TRNT1: variants seen among roughly 807,000 people sequenced by gnomAD.
TRNT1 encodes CCA tRNA nucleotidyltransferase 1, mitochondrial.
TRNT1 carries 44 observed loss-of-function variants against 45.6 expected under a neutral mutation model. That is an observed-to-expected ratio of 0.97 (90% CI 0.76 to 1.24). The LOEUF (loss-of-function observed/expected upper bound fraction) is 1.24. Ranked by LOEUF, TRNT1 falls within the 50% of genes most tolerant of loss-of-function variation. TRNT1 has a pLI of 0.00. For synonymous variants in TRNT1, 201 were observed against 171.4 expected (o/e 1.17, Z -1.35); for missense variants, 633 against 504.4 (o/e 1.25, Z -2.44).
chr3:3,146,445 T>G lies in TRNT1; in HGVS notation c.624T>G (p.Ile208Met), dbSNP rs367981406. Reference sequence around the variant, plus strand: ...TGTCTTGTAGGTTTTATGGGAGAATTGTAGACAAACCTGGTGACCATGATC... The same window carrying G: ...TGTCTTGTAGGTTTTATGGGAGAATGGTAGACAAACCTGGTGACCATGATC... ...ILRYFRFYGR[I>M]VDKPGDHDPE... The change falls in exon 6 of 8, where the codon ATT (isoleucine) becomes ATG (methionine). Residue 208 changes from isoleucine to methionine, a missense_variant. Ile to Met is a conservative substitution (Grantham distance 10, BLOSUM62 1). Coordinates refer to ENST00000251607, the MANE Select transcript of TRNT1 (RefSeq NM_182916.3). 4.3e-6 allele frequency: 7 copies of G among 1,611,190 alleles called. No homozygotes were observed. In the African/African-American group the frequency reaches 9.4e-5, roughly 22 times the overall value.
chr3:3,130,105 CCA>C lies in TRNT1; in HGVS notation c.148+922_148+923del, dbSNP rs1486078252. 7.8e-6 allele frequency: 6 copies of C among 771,746 alleles called. No individual in the cohort carries two copies. In the African/African-American group the frequency reaches 1.0e-4, roughly 13 times the overall value. The allele number at this position is 771,746 out of a possible 1,614,324, so 47.8% of individuals were successfully genotyped here. ...TTGTCTGCTGATGTTGCTAAAGCAGCCACACAGTAGCATTACAAAGCCTGTGG... is the reference window on the plus strand; with the variant it reads ...TTGTCTGCTGATGTTGCTAAAGCAGCCACAGTAGCATTACAAAGCCTGTGG... On this transcript the variant is annotated intron_variant, in intron 2 of 7. Transcript: ENST00000251607.
At chr3:3,150,252 A>ATT (rs1706416505), downstream of TRNT1, 1 of 152,624 alleles carries the variant, frequency 6.6e-6, no homozygotes, top group Non-Finnish European at 1.5e-5. Flanking sequence ...AGGCACATAA[A>ATT]GGAAATGACA....
intron 2 of TRNT1, among the ~76,000 whole-genome samples, chr3:3,135,276 G>A (rs542614778): frequency 3.9e-5 from 6 of 152,158 alleles, no homozygotes; most frequent in Non-Finnish European, 8.8e-5. Context: ...TGTGCAGACA[G>A]CTGGTACAGA....
intron 2 of TRNT1, chr3:3,136,779 C>T: frequency 5.4e-6 from 2 of 371,624 alleles, no homozygotes; most frequent in Non-Finnish European, 1.0e-5. Context: ...CTCAGCCTCC[C>T]AAGTAGCTGG....
At chr3:3,134,612 G>A (rs1281531887) in intron 2 of TRNT1, among the ~76,000 whole-genome samples, 1 of 152,112 alleles carries the variant, frequency 6.6e-6, no homozygotes, top group African/African-American at 2.4e-5. Context: ...GTAAGTTCAA[G>A]TGAACGTAAA....
chr3:3,140,263 G>C (rs1450022480), intron 3 of TRNT1, among the ~76,000 whole-genome samples: 2 of 151,134 alleles, frequency 1.3e-5, no homozygotes, highest in East Asian at 3.9e-4. Flanking sequence ...ACATGTTTGT[G>C]TGTTAAACTC....
chr3:3,153,419 C>G, downstream of TRNT1: 1 of 1,459,108 alleles, frequency 6.9e-7, no homozygotes, highest in Non-Finnish European at 9.6e-7. Flanking sequence ...TAATAAAGAC[C>G]TTACCTGAAT....
chr3:3,151,785 A>G (rs185011231), downstream of TRNT1, among the ~76,000 whole-genome samples: 5 of 151,906 alleles, frequency 3.3e-5, no homozygotes, highest in African/African-American at 1.2e-4. Flanking sequence ...AGCTGAGGGA[A>G]CTGAACAGGT....
At chr3:3,145,015 G>GT (rs1705903988) in intron 5 of TRNT1, 1 of 186,006 alleles carries the variant, frequency 5.4e-6, no homozygotes, top group African/African-American at 2.4e-5. Flanking sequence ...TTACACAGAT[G>GT]TTTGAATGCT....
chr3:3,129,405 C>A (rs781571493), intron 2 of TRNT1: 31 of 492,742 alleles, frequency 6.3e-5, no homozygotes, highest in Non-Finnish European at 9.1e-5. Flanking sequence ...CAGGTGTGAG[C>A]CACGGTGCCC....
intron 1 of TRNT1, chr3:3,127,697 C>T (rs1408084297): frequency 6.6e-6 from 1 of 152,212 alleles, no homozygotes; most frequent in Non-Finnish European, 1.5e-5. Flanking sequence ...TAGGGTGATA[C>T]CCACCTGTGA....
At chr3:3,151,093 C>T (rs764950170), downstream of TRNT1, 16 of 1,586,398 alleles carry the variant, frequency 1.0e-5, no homozygotes, top group East Asian at 3.4e-4. Context: ...TTCTGTACTC[C>T]AAGCCTATCA....
chr3:3,130,834 A>G (rs1704974611), intron 2 of TRNT1, among the ~76,000 whole-genome samples: 1 of 152,168 alleles, frequency 6.6e-6, no homozygotes, highest in Admixed American at 6.5e-5. Context: ...TAATCCCAGC[A>G]CTTTTGAGTG....
intron 1 of TRNT1, among the ~76,000 whole-genome samples, chr3:3,128,348 G>C (rs866778275): frequency 6.6e-6 from 1 of 152,168 alleles, no homozygotes; most frequent in African/African-American, 2.4e-5. Flanking sequence ...TGTAATCCCA[G>C]CACTTTGGGA....
At chr3:3,146,769 G>T (rs1706055478) in intron 6 of TRNT1, 146 bp downstream of exon 6, 3 of 779,508 alleles carry the variant, frequency 3.8e-6, no homozygotes, top group African/African-American at 1.8e-5. Context: ...TGGGTTATGG[G>T]GTAAGTTTTG....
At chr3:3,127,142 A>ATAGCCCCGACGCGGAGGTCG (rs1157029675) in intron 1 of TRNT1, 152 bp downstream of exon 1, 5 of 152,232 alleles carry the variant, frequency 3.3e-5, no homozygotes, top group African/African-American at 7.2e-5. Flanking sequence ...AGTGGGCAAA[A>ATAGCCCCGACGCGGAGGTCG]TAGCCCCGAC....
intron 3 of TRNT1, among the ~76,000 whole-genome samples, chr3:3,137,931 T>C (rs1705429285): frequency 6.6e-6 from 1 of 152,260 alleles, no homozygotes; most frequent in African/African-American, 2.4e-5. Context: ...TTTTAAATTT[T>C]CCTGCAGTTA....
In TRNT1 at chr3:3,132,863, G is replaced by T. The variant is rs539205522; in HGVS notation, c.148+3675G>T. On this transcript the variant is annotated intron_variant, in intron 2 of 7. Coordinates refer to ENST00000251607, the MANE Select transcript of TRNT1 (RefSeq NM_182916.3). ...TGCTTCCAGAGTCCTGTCCTTGAAG[G>T]ACTGGCAAATGAGAACATGGATATA... 5.1e-4 allele frequency among the ~76,000 whole-genome samples: 78 copies of T among 152,166 alleles called. No individual in the cohort carries two copies. In the Middle Eastern group the frequency reaches 0.01, roughly 20 times the overall value.
chr3:3,129,022 T>C lies in TRNT1; in HGVS notation c.-19T>C. ...GTGTATTTGCCTTGTAGATGTGTAG[T>C]TGGTGACTGCCTCTCCAGATGCTGA... is the stretch of plus-strand genomic sequence containing the variant. On this transcript the variant is annotated 5_prime_UTR_variant, in exon 2 of 8. Coordinates refer to ENST00000251607, the MANE Select transcript of TRNT1 (RefSeq NM_182916.3). 1 of 1,585,232 alleles carries C rather than the reference T, an allele frequency of 6.3e-7. No individual in the cohort carries two copies. Among genetic ancestry groups the C allele is most frequent in the Non-Finnish European group, 8.6e-7 (1 of 1,162,716 alleles).
Sources: allele counts gnomAD v4.1 joint callset (sites outside exome capture counted in the v4.1 genomes callset), GRCh38; gene constraint gnomAD v4.1.1; transcripts MANE v1.5; gene names NCBI Gene and HGNC (gene_info 2026-07-23, HGNC 2026-07-21).